Variants in DMXL1 observed in about 807,000 individuals in gnomAD.
DMXL1 encodes the protein Dmx like 1.
DMXL1 carries 99 observed loss-of-function variants against 319.2 expected under a neutral mutation model. The observed-to-expected ratio is 0.31, with a 90% confidence interval of 0.26 to 0.37. The LOEUF (loss-of-function observed/expected upper bound fraction) is 0.37. DMXL1 is among the 10% of genes least tolerant of loss of function. The pLI is 1.00. For synonymous variants in DMXL1, 1,385 were observed against 1,235.2 expected, an observed-to-expected ratio of 1.12 and a Z score of -2.54; for missense variants, 3,745 against 3,595.6, an observed-to-expected ratio of 1.04 and a Z score of -1.06.
chr5:119,230,997 T>C (rs774197669), intron 38 of DMXL1, among the ~76,000 whole-genome samples: 79 of 152,226 alleles, frequency 5.2e-4, no homozygotes, highest in African/African-American at 7.0e-4. Flanking sequence ...TTGAAGACTT[T>C]TAAGATTTCT....
chr5:119,232,710 G>A (rs914525337), intron 38 of DMXL1, among the ~76,000 whole-genome samples: 4 of 151,650 alleles, frequency 2.6e-5, no homozygotes, highest in Admixed American at 6.6e-5. Context: ...GCAGTGGCAC[G>A]TGCCTATAAA....
At chr5:119,223,320 A>AT (rs1384707420) in intron 37 of DMXL1, among the ~76,000 whole-genome samples, 1 of 151,998 alleles carries the variant, frequency 6.6e-6, no homozygotes. Context: ...GCCTCCCAAA[A>AT]TGCTGGGATG....
chr5:119,221,259 A>G, intron 37 of DMXL1, among the ~76,000 whole-genome samples, 178 bp downstream of exon 37: 1 of 152,192 alleles, frequency 6.6e-6, no homozygotes, highest in East Asian at 1.9e-4. Flanking sequence ...TGAAAGGGTA[A>G]TAATAAATTG....
rs553899004 is a variant in DMXL1, at chr5:119,246,073, A to G, written c.8923-922A>G. Among the ~76,000 whole-genome samples the G allele has an allele frequency of 3.9e-5, 6 of 152,336 alleles. No individual in the cohort carries two copies. The East Asian group carries it at 1.2e-3, about 29-fold the overall frequency. On this transcript the variant is annotated intron_variant, in intron 43 of 43. Transcript: ENST00000539542. ...CGCTAAACCTAAAATACATGTCCTGAAAGCATTTACGTTCTTCCCATAAGT... is the reference window on the plus strand; with the variant it reads ...CGCTAAACCTAAAATACATGTCCTGGAAGCATTTACGTTCTTCCCATAAGT...
Position 119,178,253 on chromosome 5 carries a change from A to G in DMXL1, c.7135+9A>G, listed in dbSNP as rs374572941. 4 of 1,608,722 alleles carry G rather than the reference A, an allele frequency of 2.5e-6. No homozygotes were observed. The African/African-American group carries it at 5.4e-5, about 22-fold the overall frequency. On this transcript the variant is annotated intron_variant, in intron 28 of 43. Coordinates refer to ENST00000539542, the MANE Select transcript of DMXL1 (RefSeq NM_001290321.3). The stretch of plus-strand genomic sequence containing the variant: ...TTCAAAAACTTTACCTGGTGAGTTT[A>G]AAAAATTTTTTTAGGACTGAAGCTT...
intron 1 of DMXL1, among the ~76,000 whole-genome samples, chr5:119,080,627 A>C (rs1751991291): frequency 6.6e-6 from 1 of 151,990 alleles, no homozygotes; most frequent in African/African-American, 2.4e-5. Flanking sequence ...TAGTGCAGTT[A>C]CTCTGTTGAA....
intron 28 of DMXL1, among the ~76,000 whole-genome samples, chr5:119,180,706 G>A (rs1050676481): frequency 6.6e-6 from 1 of 151,450 alleles, no homozygotes; most frequent in Non-Finnish European, 1.5e-5. Flanking sequence ...AATTTGCCTT[G>A]GACTATATTT....
intron 38 of DMXL1, among the ~76,000 whole-genome samples, chr5:119,226,149 G>T (rs1442451490): frequency 6.6e-6 from 1 of 152,090 alleles, no homozygotes; most frequent in African/African-American, 2.4e-5. Context: ...GAGGTGTTAG[G>T]TAGCATCAAT....
At chr5:119,199,265 C>G (rs1395138948) in intron 32 of DMXL1, among the ~76,000 whole-genome samples, 1 of 152,138 alleles carries the variant, frequency 6.6e-6, no homozygotes, top group South Asian at 2.1e-4. Context: ...TTGTTCCCTT[C>G]TTTGTGTTCA....
intron 1 of DMXL1, among the ~76,000 whole-genome samples, chr5:119,084,318 C>T (rs1273823756): frequency 2.6e-5 from 4 of 151,822 alleles, no homozygotes; most frequent in African/African-American, 9.7e-5. Context: ...CGGGGTTTTG[C>T]CATTTTGGCC....
At chr5:119,200,676 A>G (rs1011876314) in intron 32 of DMXL1, among the ~76,000 whole-genome samples, 1 of 152,190 alleles carries the variant, frequency 6.6e-6, no homozygotes, top group Admixed American at 6.5e-5. Context: ...GGCCAGTTTA[A>G]TGATATTGAT....
At chr5:119,172,032 A>G in intron 25 of DMXL1, 63 bp downstream of exon 25, 1 of 1,411,504 alleles carries the variant, frequency 7.1e-7, no homozygotes, top group South Asian at 1.5e-5. Context: ...CAAGATAAAT[A>G]TTAAGGCTTT....
At position 119,220,454 on chromosome 5, in the gene DMXL1, A is replaced by G. The variant is rs1784459723; in HGVS notation, c.8014-18A>G. 2 of 1,610,418 alleles carry G rather than the reference A, an allele frequency of 1.2e-6. No individual in the cohort carries two copies. Among genetic ancestry groups the G allele is most frequent in the Admixed American group, 1.7e-5 (1 of 59,328 alleles). On this transcript the variant is annotated intron_variant, in intron 35 of 43. Transcript: ENST00000539542. ...TTTGCCTATTGCTTTTAAAATTACC[A>G]TTTGACTTATTTTTCAGGCAAATAG... is the stretch of plus-strand genomic sequence containing the variant.
intron 37 of DMXL1, among the ~76,000 whole-genome samples, chr5:119,223,964 C>CA (rs923652530): frequency 2.6e-5 from 4 of 151,804 alleles, no homozygotes; most frequent in Non-Finnish European, 4.4e-5. Context: ...AAACTAATAG[C>CA]AAAAAAATAT....
rs547579179 is a variant in DMXL1, at chr5:119,134,105, G to A, written c.2181G>A (p.Arg727=). 6.2e-6 allele frequency: 10 copies of A among 1,614,008 alleles called. No homozygotes were observed. The East Asian group carries it at 1.8e-4, about 29-fold the overall frequency. The change falls in exon 12 of 44, where the codon CGG becomes CGA. Residue 727 remains arginine (R), a synonymous_variant. Coordinates refer to ENST00000539542, the MANE Select transcript of DMXL1 (RefSeq NM_001290321.3). ...SFSGGVSELA[R]INSLHVSAFS... is the part of the protein sequence containing the mutation. Reference sequence around the variant, plus strand: ...CTGGAGGAGTTTCTGAGCTTGCCCGGATTAATTCTCTTCATGTTTCTGCCT... The same window carrying A: ...CTGGAGGAGTTTCTGAGCTTGCCCGAATTAATTCTCTTCATGTTTCTGCCT...
intron 1 of DMXL1, among the ~76,000 whole-genome samples, chr5:119,089,292 AT>A (rs1157921856): frequency 9.8e-4 from 39 of 39,804 alleles, no homozygotes; most frequent in East Asian, 4.0e-3. Flanking sequence ...ATATATATAT[AT>A]TTTTTTTTTT....
At chr5:119,177,229 A>G (rs1775972819) in intron 26 of DMXL1, 128 bp from the exon 27 acceptor site, 1 of 548,942 alleles carries the variant, frequency 1.8e-6, no homozygotes, top group African/African-American at 1.9e-5. Flanking sequence ...TAGACTGTAC[A>G]TTATATTACT....
intron 1 of DMXL1, among the ~76,000 whole-genome samples, chr5:119,084,120 C>A (rs143778417): frequency 1.3e-5 from 2 of 151,696 alleles, no homozygotes; most frequent in African/African-American, 4.8e-5. Flanking sequence ...GTATTCCCCC[C>A]CTCACCCCTT....
chr5:119,128,187 C>G (rs1764026753), intron 9 of DMXL1: 1 of 444,948 alleles, frequency 2.2e-6, no homozygotes, highest in Non-Finnish European at 4.3e-6. Flanking sequence ...CCTGCACGGT[C>G]TTTTTAATTC....
Sources: allele counts gnomAD v4.1 joint callset (sites outside exome capture counted in the v4.1 genomes callset), GRCh38; gene constraint gnomAD v4.1.1; transcripts MANE v1.5; gene names NCBI Gene and HGNC (gene_info 2026-07-23, HGNC 2026-07-21).